Variants in CACHD1 observed in about 807,000 individuals in gnomAD.
CACHD1 encodes the protein VWFA and cache domain-containing protein 1.
In CACHD1, 71 loss-of-function variants were observed where a neutral mutation model predicts 138.7. That is an observed-to-expected ratio of 0.51 (90% CI 0.42 to 0.62). CACHD1 has a LOEUF of 0.62. Ranked by LOEUF, CACHD1 falls within the 20% of genes least tolerant of loss-of-function variation. The pLI, the probability that CACHD1 is intolerant of heterozygous loss-of-function variation, is 0.00. For synonymous variants in CACHD1, 578 were observed against 591.5 expected (o/e 0.98, Z 0.33); for missense variants, 1,389 against 1,625.3 (o/e 0.85, Z 2.50).
chr1:64,536,823 C>T (rs1191301369), intron 1 of CACHD1, among the ~76,000 whole-genome samples: 1 of 152,180 alleles, frequency 6.6e-6, no homozygotes, highest in Non-Finnish European at 1.5e-5. Context: ...ATACCAGATG[C>T]TGTCTTAGCT....
intron 8 of CACHD1, among the ~76,000 whole-genome samples, chr1:64,644,622 T>C (rs916309052): frequency 9.2e-5 from 14 of 152,238 alleles, no homozygotes; most frequent in African/African-American, 3.4e-4. Flanking sequence ...AGCATCTTTT[T>C]CTCTTCTCTT....
At chr1:64,669,786 G>A (rs1649756565) in intron 16 of CACHD1, among the ~76,000 whole-genome samples, 1 of 152,172 alleles carries the variant, frequency 6.6e-6, no homozygotes, top group African/African-American at 2.4e-5. Context: ...GATTTATGTA[G>A]GCAATATACG....
At chr1:64,478,611 ACCC>A (rs1408301662) in intron 1 of CACHD1, among the ~76,000 whole-genome samples, 1 of 152,026 alleles carries the variant, frequency 6.6e-6, no homozygotes, top group African/African-American at 2.4e-5. Context: ...TCCCCCTAAG[ACCC>A]CAGAGCTCTG....
At chr1:64,551,419 T>C (rs1283140421) in intron 2 of CACHD1, among the ~76,000 whole-genome samples, 1 of 152,168 alleles carries the variant, frequency 6.6e-6, no homozygotes, top group Admixed American at 6.5e-5. Flanking sequence ...GAGTTGGTTT[T>C]AATTTCAGCG....
At chr1:64,641,585 A>G (rs975847789) in intron 7 of CACHD1, among the ~76,000 whole-genome samples, 3 of 152,192 alleles carry the variant, frequency 2.0e-5, no homozygotes, top group Non-Finnish European at 4.4e-5. Flanking sequence ...TAAATATATT[A>G]GGAACATCTC....
At chr1:64,570,185 T>C (rs1646915356) in intron 2 of CACHD1, among the ~76,000 whole-genome samples, 1 of 152,072 alleles carries the variant, frequency 6.6e-6, no homozygotes, top group South Asian at 2.1e-4. Context: ...CATGGTGCAA[T>C]AGGAAATATT....
At chr1:64,500,570 C>T (rs982329127) in intron 1 of CACHD1, among the ~76,000 whole-genome samples, 9 of 152,076 alleles carry the variant, frequency 5.9e-5, no homozygotes, top group South Asian at 2.1e-4. Flanking sequence ...TAACCTACTG[C>T]GGCCGGGCTC....
chr1:64,482,808 A>G (rs988153787), intron 1 of CACHD1, among the ~76,000 whole-genome samples: 2 of 152,190 alleles, frequency 1.3e-5, no homozygotes, highest in Non-Finnish European at 1.5e-5. Flanking sequence ...TATTCAGATA[A>G]CAAATGTAGG....
chr1:64,532,908 A>G (rs1351629636), intron 1 of CACHD1, among the ~76,000 whole-genome samples: 1 of 152,228 alleles, frequency 6.6e-6, no homozygotes, highest in Non-Finnish European at 1.5e-5. Context: ...TAGCAGCAGC[A>G]GCAGTAGTGG....
At chr1:64,639,303 G>A (rs1186701146) in intron 7 of CACHD1, among the ~76,000 whole-genome samples, 1 of 152,148 alleles carries the variant, frequency 6.6e-6, no homozygotes, top group South Asian at 2.1e-4. Context: ...TTTTCAGTCT[G>A]AAGTTTAAAT....
At chr1:64,675,856 C>T in intron 20 of CACHD1, 41 bp from the exon 21 acceptor site, 2 of 1,265,866 alleles carry the variant, frequency 1.6e-6, no homozygotes, top group African/African-American at 1.5e-5. Context: ...TTACAGTTTG[C>T]CATTGACCTT....
chr1:64,636,795 G>A (rs886693940), intron 7 of CACHD1, among the ~76,000 whole-genome samples: 2 of 152,030 alleles, frequency 1.3e-5, no homozygotes, highest in Admixed American at 6.5e-5. Flanking sequence ...CAGGGACCTC[G>A]GCAAACATCC....
intron 1 of CACHD1, among the ~76,000 whole-genome samples, chr1:64,518,699 A>G (rs527696709): frequency 6.6e-6 from 1 of 152,328 alleles, no homozygotes; most frequent in South Asian, 2.1e-4. Context: ...GGAAGAAAGT[A>G]AGGTATATAG....
intron 2 of CACHD1, among the ~76,000 whole-genome samples, chr1:64,555,259 C>T (rs1421035484): frequency 2.6e-5 from 4 of 151,952 alleles, no homozygotes; most frequent in East Asian, 1.9e-4. Flanking sequence ...CAAAGTACTG[C>T]GATTACAGGC....
chr1:64,616,278 G>A (rs972618123), intron 4 of CACHD1, among the ~76,000 whole-genome samples: 35 of 152,190 alleles, frequency 2.3e-4, no homozygotes, highest in African/African-American at 7.5e-4. Context: ...GCTCTCCCTC[G>A]TGAAGAGCTT....
chr1:64,470,233 C>T lies in CACHD1; in HGVS notation c.-512C>T, dbSNP rs1037592022. 2.0e-5 allele frequency among the ~76,000 whole-genome samples: 3 copies of T among 152,132 alleles called. No homozygotes were observed. Among genetic ancestry groups the T allele is most frequent in the African/African-American group, 2.4e-5 (1 of 41,448 alleles). ...TCAGTTGTGTGGGTTTGTGAAGCCT[C>T]CCCTTTCCCTCCTCGCTCGGGTGGC... is the stretch of plus-strand genomic sequence containing the variant. On this transcript the variant is annotated 5_prime_UTR_variant, in exon 1 of 27. Coordinates refer to ENST00000651257, the MANE Select transcript of CACHD1 (RefSeq NM_020925.4). The surrounding 1 kb of genome is among the most constrained non-coding windows in gnomAD (Gnocchi z 5.2).
chr1:64,596,397 G>A (rs868147818), intron 3 of CACHD1, among the ~76,000 whole-genome samples: 1 of 152,312 alleles, frequency 6.6e-6, no homozygotes, highest in Non-Finnish European at 1.5e-5. Flanking sequence ...GAGGTGAAGA[G>A]ATATGTCTCC....
At chr1:64,491,955 T>A (rs549786780) in intron 1 of CACHD1, among the ~76,000 whole-genome samples, 82 of 151,454 alleles carry the variant, frequency 5.4e-4, no homozygotes, top group African/African-American at 1.9e-3. Context: ...GTTTTTTTTT[T>A]ATTAATAAAA....
chr1:64,554,307 A>G (rs1036143499), intron 2 of CACHD1, among the ~76,000 whole-genome samples: 1 of 152,342 alleles, frequency 6.6e-6, no homozygotes, highest in Non-Finnish European at 1.5e-5. Flanking sequence ...CCTCCTGCCA[A>G]CTTAATGATG....
Sources: allele counts gnomAD v4.1 joint callset (sites outside exome capture counted in the v4.1 genomes callset), GRCh38; gene constraint gnomAD v4.1.1; non-coding constraint Gnocchi (gnomAD v3.1); transcripts MANE v1.5; gene names NCBI Gene and HGNC (gene_info 2026-07-23, HGNC 2026-07-21).